The following FASN variants were observed in gnomAD, a reference collection of about 807,000 sequenced individuals.
FASN encodes fatty acid synthase, also known as 3-hydroxyacyl-[acyl-carrier-protein] dehydratase.
Under a neutral mutation model 250.0 loss-of-function variants are expected in FASN, and 50 were observed. That is an observed-to-expected ratio of 0.20 (90% CI 0.16 to 0.25). The LOEUF (loss-of-function observed/expected upper bound fraction) is 0.25, where lower values mean the gene tolerates loss of function less well. Among genes scored for constraint, FASN ranks in the 10% least tolerant of loss-of-function variants. The probability of loss-of-function intolerance (pLI) is 1.00; values close to 1 mark genes in which losing one functional copy is unlikely to be tolerated. For missense variants in FASN, 3,031 were observed against 3,498.5 expected, an observed-to-expected ratio of 0.87 and a Z score of 3.37; for synonymous variants, 1,909 against 1,584.0, an observed-to-expected ratio of 1.21 and a Z score of -4.87.
rs576390200 is a variant in FASN, at chr17:82,089,077, G to A, written c.2196C>T (p.Ala732=). Residue 732 remains alanine (A), a synonymous_variant, in exon 14 of 43, where the codon GCC becomes GCT. Transcript: ENST00000306749. The stretch of plus-strand genomic sequence containing the variant: ...TCACCAGGTTGTTGACATTGTACTC[G>A]GCGGAGGACGTGCGTGCCAGGCTGC... The part of the protein sequence containing the change: ...WHSSLARTSS[A]EYNVNNLVSP... 21 of 1,584,412 alleles carry A rather than the reference G, an allele frequency of 1.3e-5. No individual in the cohort carries two copies. The highest frequency in any genetic ancestry group is 2.3e-5 in the East Asian group (1 of 42,608).
In FASN at chr17:82,082,365, T is replaced by A; in HGVS notation, c.5969A>T (p.Asp1990Val). 6.2e-7 allele frequency: 1 copy of A among 1,612,926 alleles called. No homozygotes were observed. The highest frequency in any genetic ancestry group is 8.5e-7 in the Non-Finnish European group (1 of 1,180,012). ...GCCGCTGTACTTGGGCTTGCAGACG[T>A]CCTGGAAGAACTCTGGGGTCTGGTT... is the stretch of plus-strand genomic sequence containing the variant. ...LENQTPEFFQ[D>V]VCKPKYSGTL... is the part of the protein sequence containing the mutation. Residue 1990 changes from aspartate to valine, a missense_variant, in exon 35 of 43, where the codon GAC becomes GTC. Asp to Val is a radical substitution (Grantham distance 152). Coordinates refer to ENST00000306749, the MANE Select transcript of FASN (RefSeq NM_004104.5).
intron 12 of FASN, 72 bp from the exon 13 acceptor site, chr17:82,089,456 C>A: frequency 6.2e-7 from 1 of 1,610,346 alleles, no homozygotes; most frequent in South Asian, 1.1e-5. Context: ...GTAGGGCGCA[C>A]CCACCTCACC....
At chr17:82,096,504 G>C in intron 1 of FASN, 52 bp from the exon 2 acceptor site, 1 of 1,602,184 alleles carries the variant, frequency 6.2e-7, no homozygotes, top group Non-Finnish European at 8.5e-7. Flanking sequence ...CGACACCCCC[G>C]TCAACAGCCT....
intron 1 of FASN, chr17:82,096,889 C>G (rs1052927493): frequency 3.4e-6 from 1 of 291,088 alleles, no homozygotes; most frequent in African/African-American, 2.2e-5. Flanking sequence ...GAGATGGGGA[C>G]AAGGCCTCAG....
chr17:82,081,004 G>GGTCCC, intron 38 of FASN, 82 bp from the exon 39 acceptor site: 2 of 1,415,028 alleles, frequency 1.4e-6, no homozygotes, highest in Non-Finnish European at 9.7e-7. Flanking sequence ...CACGCACGCA[G>GGTCCC]GTCCCCACGG....
Position 82,086,299 on chromosome 17 carries a change from G to A in FASN, c.3687C>T (p.Asp1229=), listed in dbSNP as rs1396310294. 1 of 1,596,288 alleles carries A rather than the reference G, an allele frequency of 6.3e-7. No homozygotes were observed. ...LDSPALKACL[D]TAVENMPSLK... is the part of the protein sequence containing the mutation. ...GGCTGGGCATGTTCTCCACGGCAGTGTCCAGGCAGGCCTTGAGTGCCGGGG... is the reference window on the plus strand; with the variant it reads ...GGCTGGGCATGTTCTCCACGGCAGTATCCAGGCAGGCCTTGAGTGCCGGGG... Residue 1229 remains aspartate, a synonymous_variant, in exon 22 of 43, where the codon GAC becomes GAT. Transcript: ENST00000306749.
chr17:82,084,979 G>A, intron 25 of FASN, 26 bp from the exon 26 acceptor site: 3 of 1,570,668 alleles, frequency 1.9e-6, no homozygotes, highest in Non-Finnish European at 2.6e-6. Flanking sequence ...GGGAGCTCAG[G>A]CTGGGGATGG....
In FASN at chr17:82,085,049, G is replaced by A. The variant is rs536968254; in HGVS notation, c.4395C>T (p.Gly1465=). The A allele has an allele frequency of 4.9e-5, 79 of 1,611,354 alleles. 1 individual carries two copies. In the South Asian group the frequency reaches 5.4e-4, roughly 11 times the overall value. ...CGTGCTCCTACCGGAGGCGGTTCCC[G>A]CCGGGCTCTCGGCGGAGACAGTTCA... ...GLVNCLRREP[G]GNRLRCVLLS... The change falls in exon 25 of 43, where the codon GGC becomes GGT. Residue 1465 remains glycine, a synonymous_variant. Transcript: ENST00000306749.
chr17:82,089,822 G>A (rs1307388446), intron 11 of FASN, 96 bp from the exon 12 acceptor site: 12 of 1,077,962 alleles, frequency 1.1e-5, no homozygotes, highest in Admixed American at 2.0e-5. Flanking sequence ...GGGCAGTAAT[G>A]ACAAGTGTGG....
At chr17:82,081,129 G>C (rs753110231) in intron 38 of FASN, 35 bp downstream of exon 38, 2 of 1,550,148 alleles carry the variant, frequency 1.3e-6, no homozygotes, top group Non-Finnish European at 1.7e-6. Context: ...GGGGAGGCCC[G>C]GGGACCCCAC....
chr17:82,081,027 TG>T, intron 38 of FASN, 105 bp from the exon 39 acceptor site: 1 of 1,394,806 alleles, frequency 7.2e-7, no homozygotes, highest in Non-Finnish European at 9.9e-7. Flanking sequence ...CTACGTCAGG[TG>T]GGAGTCGGGG....
chr17:82,079,944 G>A (rs1291768078), intron 41 of FASN, 196 bp downstream of exon 41: 4 of 680,434 alleles, frequency 5.9e-6, no homozygotes, highest in Non-Finnish European at 5.1e-6. Context: ...CCGACCTCAG[G>A]TAATCTGCCC....
chr17:82,080,918 C>T lies in FASN; in HGVS notation c.6600G>A (p.Leu2200=), dbSNP rs1216240932. The change falls in exon 39 of 43, where the codon CTG becomes CTA. Residue 2200 remains leucine, a synonymous_variant. Coordinates refer to ENST00000306749, the MANE Select transcript of FASN (RefSeq NM_004104.5). ...LSSKADEASE[L]ACPTPKEDGL... ...CATCCTCCTTGGGCGTGGGGCATGC[C>T]AGCTCTGTGAAGACAGGGGCAGATG... 2 of 1,606,028 alleles carry T rather than the reference C, an allele frequency of 1.2e-6. No individual in the cohort carries two copies. Among genetic ancestry groups the T allele is most frequent in the Middle Eastern group, 1.7e-4 (1 of 5,720 alleles).
Position 82,092,803 on chromosome 17 carries a change from A to C in FASN, c.788T>G (p.Phe263Cys). Residue 263 changes from phenylalanine (F) to cysteine (C), a missense_variant, in exon 7 of 43, where the codon TTC (phenylalanine) becomes TGC (cysteine). By Grantham distance (205) the Phe-to-Cys change is radical. Transcript: ENST00000306749. ...TDGFKEQGVT[F>C]PSGDIQEQLI... ...CTGCTCCTGGATATCCCCTGAGGGG[A>C]AGGTCACGCCTGCGGAGGGCTCGGC... The C allele has an allele frequency of 1.3e-6, 2 of 1,599,312 alleles. No homozygotes were observed. Among genetic ancestry groups the C allele is most frequent in the Non-Finnish European group, 1.7e-6 (2 of 1,174,142 alleles).
intron 1 of FASN, chr17:82,097,370 G>A (rs953883781): frequency 1.3e-5 from 2 of 152,358 alleles, no homozygotes; most frequent in East Asian, 3.9e-4. Context: ...TGGGGGGAGG[G>A]GGCGGAGGCC....
At position 82,079,293 on chromosome 17, in the gene FASN, C is replaced by T. The variant is rs753380464; in HGVS notation, c.7399-13G>A. ...TCCCGTCGCATACCTGCAGGGGATG[C>T]GATCAGCTGCCGTCCCACCCCACTC... On this transcript the variant is annotated splice_polypyrimidine_tract_variant and intron_variant, in intron 42 of 42. Coordinates refer to ENST00000306749, the MANE Select transcript of FASN (RefSeq NM_004104.5). The T allele has an allele frequency of 2.1e-5, 34 of 1,612,866 alleles. No homozygotes were observed. The highest frequency in any genetic ancestry group is 1.3e-4 in the East Asian group (6 of 44,896).
chr17:82,090,015 A>G (rs1029149750), intron 11 of FASN, among the ~76,000 whole-genome samples: 1 of 152,210 alleles, frequency 6.6e-6, no homozygotes, highest in Non-Finnish European at 1.5e-5. Context: ...CATGTGGCCC[A>G]TGGGGCTCAG....
chr17:82,087,543 G>T, intron 19 of FASN, 39 bp from the exon 20 acceptor site: 1 of 1,609,144 alleles, frequency 6.2e-7, no homozygotes, highest in Non-Finnish European at 8.5e-7. Flanking sequence ...GAACTCCCAG[G>T]TCCCTGGGGC....
Position 82,083,559 on chromosome 17 carries a change from G to A in FASN, c.5299C>T (p.Leu1767=), listed in dbSNP as rs2034030579. The change falls in exon 31 of 43, where the codon CTG becomes TTG. Residue 1767 remains leucine (L), a synonymous_variant. Coordinates refer to ENST00000306749, the MANE Select transcript of FASN (RefSeq NM_004104.5). The part of the protein sequence containing the change: ...VRCLATHGRF[L]EIGKFDLSQN... ...GAAAGGTCGAATTTGCCAATTTCCA[G>A]GAAGCGACCGTGCGTAGCCAAGCAC... 2 of 1,612,732 alleles carry A rather than the reference G, an allele frequency of 1.2e-6. No homozygotes were observed. The highest frequency in any genetic ancestry group is 2.7e-5 in the African/African-American group (2 of 74,946).
Sources: gnomAD v4.1 joint callset for allele counts (sites outside exome capture counted in the v4.1 genomes callset) on GRCh38, gnomAD v4.1.1 for gene constraint, MANE v1.5 for transcripts, NCBI Gene and HGNC (gene_info 2026-07-23, HGNC 2026-07-21) for gene names.